INHA: variants seen among roughly 807,000 people sequenced by gnomAD.
The protein encoded by INHA is inhibin subunit alpha, also known as inhibin alpha chain.
In INHA, 8 loss-of-function variants were observed where a neutral mutation model predicts 21.3. That is an observed-to-expected ratio of 0.38 (90% CI 0.22 to 0.68). INHA has a LOEUF of 0.68. Among genes scored for constraint, INHA ranks in the 30% least tolerant of loss-of-function variants. The pLI is 0.53. For synonymous variants in INHA, 231 were observed against 207.5 expected, an observed-to-expected ratio of 1.11 and a Z score of -0.97; for missense variants, 436 against 465.8, an observed-to-expected ratio of 0.94 and a Z score of 0.59.
At position 219,575,434 on chromosome 2, in the gene INHA, C is replaced by G. The variant is rs199646192; in HGVS notation, c.1009C>G (p.Pro337Ala). ...CCAALPGTMR[P>A]LHVRTTSDGG... The stretch of plus-strand genomic sequence containing the variant: ...TGCTGCTCTCCCAGGGACCATGAGG[C>G]CCCTACATGTCCGCACCACCTCGGA... Residue 337 changes from proline to alanine, a missense_variant, in exon 2 of 2, where the codon CCC becomes GCC. Physicochemically the swap from Pro to Ala is conservative, Grantham distance 27. Transcript: ENST00000243786. 3 of 1,613,994 alleles carry G rather than the reference C, an allele frequency of 1.9e-6. No individual in the cohort carries two copies. The highest frequency in any genetic ancestry group is 2.5e-6 in the Non-Finnish European group (3 of 1,179,968).
chr2:219,573,493 C>T (rs1212879243), intron 1 of INHA, among the ~76,000 whole-genome samples: 4 of 151,960 alleles, frequency 2.6e-5, no homozygotes, highest in Non-Finnish European at 5.9e-5. Context: ...GAAAGGACTG[C>T]CCTCTGTTCT....
Position 219,574,868 on chromosome 2 carries a change from C to T in INHA, c.443C>T (p.Ser148Phe). ...CAGGGCACAGCAGCCTCCAATAGCT[C>T]TGAGCCCCTGCTAGGCCTGCTGGCA... ...DRQGTAASNS[S>F]EPLLGLLALS... Residue 148 changes from serine (S) to phenylalanine (F), a missense_variant, in exon 2 of 2, where the codon TCT becomes TTT. Physicochemically the swap from Ser to Phe is radical, Grantham distance 155. Transcript: ENST00000243786. 1 of 1,614,116 alleles carries T rather than the reference C, an allele frequency of 6.2e-7. No individual in the cohort carries two copies. The highest frequency in any genetic ancestry group is 8.5e-7 in the Non-Finnish European group (1 of 1,180,008).
chr2:219,574,779 C>G lies in INHA; in HGVS notation c.354C>G (p.Ser118=), dbSNP rs1484965880. The G allele has an allele frequency of 6.2e-7, 1 of 1,614,012 alleles. No homozygotes were observed. Among genetic ancestry groups the G allele is most frequent in the Non-Finnish European group, 8.5e-7 (1 of 1,180,024 alleles). Residue 118 remains serine (S), a synonymous_variant, in exon 2 of 2, where the codon TCC becomes TCG. Coordinates refer to ENST00000243786, the MANE Select transcript of INHA (RefSeq NM_002191.4). ...EGLFRYMFRP[S]QHTRSRQVTS... ...TCTTCAGATACATGTTCCGGCCATC[C>G]CAGCATACACGCAGCCGCCAGGTGA... is the stretch of plus-strand genomic sequence containing the variant.
chr2:219,574,568 G>C, intron 1 of INHA, 126 bp from the exon 2 acceptor site: 1 of 739,622 alleles, frequency 1.4e-6, no homozygotes, highest in Non-Finnish European at 2.2e-6. Flanking sequence ...CGTCCCGGAG[G>C]GCGTGGAGCA....
rs763881470 is a variant in INHA, at chr2:219,574,950, C to G, written c.525C>G (p.His175Gln). The G allele has an allele frequency of 2.3e-5, 37 of 1,614,002 alleles. No homozygotes were observed. In the Middle Eastern group the frequency reaches 8.2e-4, roughly 36 times the overall value. ...TGTCTTTGGGCCATGCTCCCCCTCA[C>G]TGGGCCGTGCTGCACCTGGCCACCT... ...VPMSLGHAPP[H>Q]WAVLHLATSA... The change falls in exon 2 of 2, where the codon CAC (histidine) becomes CAG (glutamine). Residue 175 changes from histidine (H) to glutamine (Q), a missense_variant. By Grantham distance (24) the His-to-Gln change is conservative. Transcript: ENST00000243786.
rs144941390 is a variant in INHA at position 219,575,008 on chromosome 2, G to A, written c.583G>A (p.Val195Met). The A allele has an allele frequency of 1.7e-5, 28 of 1,613,272 alleles. No homozygotes were observed. The highest frequency in any genetic ancestry group is 2.0e-5 in the Non-Finnish European group (24 of 1,180,034). The change falls in exon 2 of 2, where the codon GTG becomes ATG. Residue 195 changes from valine to methionine, a missense_variant. Val to Met is a conservative substitution (Grantham distance 21). Coordinates refer to ENST00000243786, the MANE Select transcript of INHA (RefSeq NM_002191.4). ...ALSLLTHPVL[V>M]LLLRCPLCTC... ...CTCTCTGCTGACCCACCCCGTCCTG[G>A]TGCTGCTGCTGCGCTGTCCCCTCTG...
intron 1 of INHA, among the ~76,000 whole-genome samples, chr2:219,572,891 A>G (rs1261171378): frequency 6.6e-6 from 1 of 152,244 alleles, no homozygotes; most frequent in African/African-American, 2.4e-5. Context: ...TTTGGGAAGT[A>G]TGCGCTGGGA....
rs1410636991 is a variant in INHA at position 219,572,514 on chromosome 2, C to G, written c.140C>G (p.Thr47Ser). The change falls in exon 1 of 2, where the codon ACC (threonine) becomes AGC (serine). Residue 47 changes from threonine to serine, a missense_variant. Transcript: ENST00000243786. ...FLDALGPPAVTREGGDPGVRR... is the reference protein window; with the variant it reads ...FLDALGPPAVSREGGDPGVRR... Reference sequence around the variant, plus strand: ...GATGCCTTGGGGCCCCCCGCGGTGACCAGGGAAGGTGGGGACCCTGGAGTC... The same window carrying G: ...GATGCCTTGGGGCCCCCCGCGGTGAGCAGGGAAGGTGGGGACCCTGGAGTC... 6.2e-7 allele frequency: 1 copy of G among 1,607,060 alleles called. No individual in the cohort carries two copies. Among genetic ancestry groups the G allele is most frequent in the Non-Finnish European group, 8.5e-7 (1 of 1,176,602 alleles).
In INHA at chr2:219,575,119, C is replaced by A. The variant is rs200421240; in HGVS notation, c.694C>A (p.Arg232Ser). ...ACCCAGTGGAGGGGAGAGAGCCCGA[C>A]GCTCAACTCCCCTGATGTCCTGGCC... ...RPPSGGERAR[R>S]STPLMSWPWS... Residue 232 changes from arginine to serine, a missense_variant, in exon 2 of 2, where the codon CGC (arginine) becomes AGC (serine). Physicochemically the swap from Arg to Ser is moderately radical, Grantham distance 110. Transcript: ENST00000243786. The A allele has an allele frequency of 6.2e-7, 1 of 1,614,182 alleles. No individual in the cohort carries two copies. The highest frequency in any genetic ancestry group is 8.5e-7 in the Non-Finnish European group (1 of 1,180,034).
chr2:219,575,561 G>A lies in INHA; in HGVS notation c.*35G>A. ...GTCTTCCTTCTTAATCCCATGGCTG[G>A]TGGCCACGCCCCCACCATCATCAGC... On this transcript the variant is annotated 3_prime_UTR_variant, in exon 2 of 2. Coordinates refer to ENST00000243786, the MANE Select transcript of INHA (RefSeq NM_002191.4). The A allele has an allele frequency of 2.0e-6, 3 of 1,534,146 alleles. No individual in the cohort carries two copies. The highest frequency in any genetic ancestry group is 2.7e-6 in the Non-Finnish European group (3 of 1,110,840).
intron 1 of INHA, among the ~76,000 whole-genome samples, chr2:219,574,007 G>C (rs562027775): frequency 1.3e-4 from 19 of 148,514 alleles, no homozygotes; most frequent in Non-Finnish European, 7.4e-5. Flanking sequence ...GGCTGGGTGT[G>C]ATGGCTCACG....
At chr2:219,573,240 G>C (rs1284849209) in intron 1 of INHA, among the ~76,000 whole-genome samples, 1 of 145,432 alleles carries the variant, frequency 6.9e-6, no homozygotes, top group African/African-American at 2.5e-5. Context: ...TCGCAGCACA[G>C]TGGGGAGAAG....
At chr2:219,574,230 G>A (rs1225563673) in intron 1 of INHA, among the ~76,000 whole-genome samples, 2 of 146,288 alleles carry the variant, frequency 1.4e-5, no homozygotes, top group Admixed American at 1.4e-4. Flanking sequence ...AGTGAGCCGT[G>A]ATCATGCCAC....
chr2:219,574,630 AGAG>A (rs1230912148), intron 1 of INHA, 61 bp from the exon 2 acceptor site: 1 of 1,345,388 alleles, frequency 7.4e-7, no homozygotes, highest in African/African-American at 1.4e-5. Flanking sequence ...CTCCTGCTGA[AGAG>A]GAGGGGTGCC....
At position 219,573,085 on chromosome 2, in the gene INHA, ATCTTC is replaced by A. The variant is rs1359007018; in HGVS notation, c.268+448_268+452del. Among the ~76,000 whole-genome samples, 6 of 152,356 alleles carry A rather than the reference ATCTTC, an allele frequency of 3.9e-5. No individual in the cohort carries two copies. The East Asian group carries it at 1.2e-3, about 29-fold the overall frequency. On this transcript the variant is annotated intron_variant, in intron 1 of 1. Transcript: ENST00000243786. ...GGAAACTTTTCTGGAAAACTAGTCT[ATCTTC>A]TCTTGAGTTCCTGTCTCAACATATA...
At chr2:219,574,017 G>A (rs1334517630) in intron 1 of INHA, among the ~76,000 whole-genome samples, 1 of 148,364 alleles carries the variant, frequency 6.7e-6, no homozygotes, top group Non-Finnish European at 1.5e-5. Flanking sequence ...GATGGCTCAC[G>A]CCTATAATCC....
rs754298724 is a variant in INHA, at chr2:219,575,414, C to T, written c.989C>T (p.Ala330Val). 1.2e-6 allele frequency: 2 copies of T among 1,614,036 alleles called. No individual in the cohort carries two copies. The highest frequency in any genetic ancestry group is 3.3e-5 in the Admixed American group (2 of 60,026). Residue 330 changes from alanine to valine, a missense_variant, in exon 2 of 2, where the codon GCT becomes GTT. By Grantham distance (64) the Ala-to-Val change is moderately conservative (BLOSUM62 0). Transcript: ENST00000243786. ...LLPGAQPCCA[A>V]LPGTMRPLHV... is the part of the protein sequence containing the mutation. ...CCAGGGGCCCAGCCCTGCTGTGCTG[C>T]TCTCCCAGGGACCATGAGGCCCCTA...
In INHA at chr2:219,575,530, T is replaced by G. The variant is rs765620845; in HGVS notation, c.*4T>G. The G allele has an allele frequency of 6.2e-7, 1 of 1,607,824 alleles. No homozygotes were observed. The highest frequency in any genetic ancestry group is 1.1e-5 in the South Asian group (1 of 90,928). The stretch of plus-strand genomic sequence containing the variant: ...GCAGCACTGTGCTTGTATCTAAGGG[T>G]GGGGGGTCTTCCTTCTTAATCCCAT... On this transcript the variant is annotated 3_prime_UTR_variant, in exon 2 of 2. Transcript: ENST00000243786.
intron 1 of INHA, among the ~76,000 whole-genome samples, chr2:219,574,190 G>A (rs1308626218): frequency 6.7e-6 from 1 of 150,052 alleles, no homozygotes; most frequent in Non-Finnish European, 1.5e-5. Context: ...GAGGTGGGAG[G>A]ATTGCTTGAG....
Sources: allele counts gnomAD v4.1 joint callset (sites outside exome capture counted in the v4.1 genomes callset), GRCh38; gene constraint gnomAD v4.1.1; transcripts MANE v1.5; gene names NCBI Gene and HGNC (gene_info 2026-07-23, HGNC 2026-07-21).